GRIA1: variants seen among roughly 807,000 people sequenced by gnomAD.
GRIA1 encodes glutamate ionotropic receptor AMPA type subunit 1.
In GRIA1, 31 loss-of-function variants were observed where a neutral mutation model predicts 99.2. The observed-to-expected ratio is 0.31, with a 90% CI of 0.23 to 0.42. The LOEUF (loss-of-function observed/expected upper bound fraction) is 0.42, where lower values mean the gene tolerates loss of function less well. Among genes scored for constraint, GRIA1 ranks in the 10% least tolerant of loss-of-function variants. The pLI is 1.00. For missense variants in GRIA1, 782 were observed against 1,157.5 expected (o/e 0.68, Z 4.71); for synonymous variants, 438 against 432.4 (o/e 1.01, Z -0.16).
At chr5:153,603,479 G>C (rs563728725) in intron 2 of GRIA1, among the ~76,000 whole-genome samples, 1 of 152,022 alleles carries the variant, frequency 6.6e-6, no homozygotes, top group South Asian at 2.1e-4. Flanking sequence ...TCTAGTTCTA[G>C]ATCCCTGAGG....
chr5:153,669,861 A>C (rs2149480297), intron 5 of GRIA1, among the ~76,000 whole-genome samples: 1 of 152,304 alleles, frequency 6.6e-6, no homozygotes, highest in South Asian at 2.1e-4. Flanking sequence ...AAATCAGCTC[A>C]TATTACACCC....
chr5:153,647,267 A>G, intron 3 of GRIA1, 100 bp downstream of exon 3: 1 of 1,323,548 alleles, frequency 7.6e-7, no homozygotes, highest in African/African-American at 1.5e-5. Context: ...AAAATATGGG[A>G]AAATTATCCA....
intron 2 of GRIA1, among the ~76,000 whole-genome samples, chr5:153,551,170 G>T (rs906818228): frequency 3.3e-5 from 5 of 152,088 alleles, no homozygotes; most frequent in Admixed American, 2.6e-4. Context: ...AATAGAAGAT[G>T]TAATATTTTC....
chr5:153,682,057 T>G (rs137865432), intron 7 of GRIA1, among the ~76,000 whole-genome samples: 3,358 of 149,394 alleles, frequency 0.022, 54 homozygotes, highest in Middle Eastern at 0.057. Context: ...AAAAGCATCA[T>G]GCATGTGTTT....
intron 2 of GRIA1, among the ~76,000 whole-genome samples, chr5:153,576,381 G>A (rs930921234): frequency 1.3e-5 from 2 of 152,246 alleles, no homozygotes; most frequent in African/African-American, 4.8e-5. Flanking sequence ...GAAGAGATGA[G>A]AAGGTAGTGA....
chr5:153,543,752 G>A (rs1040455630), intron 2 of GRIA1, among the ~76,000 whole-genome samples: 22 of 152,086 alleles, frequency 1.4e-4, no homozygotes, highest in Non-Finnish European at 2.8e-4. Flanking sequence ...ATGTACGAGG[G>A]CTAAACCATC....
At chr5:153,635,251 C>T (rs1228096802) in intron 2 of GRIA1, among the ~76,000 whole-genome samples, 1 of 152,174 alleles carries the variant, frequency 6.6e-6, no homozygotes, top group Non-Finnish European at 1.5e-5. Context: ...AAGAGTCTGC[C>T]TTCATTTAAC....
chr5:153,518,287 T>C (rs1004312474), intron 2 of GRIA1, among the ~76,000 whole-genome samples: 5 of 152,108 alleles, frequency 3.3e-5, no homozygotes, highest in African/African-American at 1.2e-4. Flanking sequence ...CTTACTTGTA[T>C]TATCTGATGT....
intron 2 of GRIA1, among the ~76,000 whole-genome samples, chr5:153,498,265 C>T (rs1181267514): frequency 1.3e-5 from 2 of 152,286 alleles, no homozygotes; most frequent in East Asian, 3.9e-4. Context: ...ATTTTCTTTA[C>T]CTGCTGGCTT....
intron 2 of GRIA1, among the ~76,000 whole-genome samples, chr5:153,604,158 G>T (rs766760475): frequency 6.6e-6 from 1 of 151,906 alleles, no homozygotes; most frequent in Non-Finnish European, 1.5e-5. Context: ...TAGAGGGGTG[G>T]GGGGAAGAGG....
At chr5:153,514,940 A>C (rs946111160) in intron 2 of GRIA1, among the ~76,000 whole-genome samples, 3 of 152,232 alleles carry the variant, frequency 2.0e-5, no homozygotes, top group African/African-American at 7.2e-5. Context: ...GGTATTATCA[A>C]AAAGATGAAA....
At chr5:153,791,488 G>A (rs1157031923) in intron 13 of GRIA1, among the ~76,000 whole-genome samples, 1 of 151,906 alleles carries the variant, frequency 6.6e-6, no homozygotes, top group East Asian at 1.9e-4. Flanking sequence ...GTGGGGGGTG[G>A]GGAAGGTCTA....
At chr5:153,536,038 T>C (rs1758533950) in intron 2 of GRIA1, among the ~76,000 whole-genome samples, 1 of 152,200 alleles carries the variant, frequency 6.6e-6, no homozygotes, top group African/African-American at 2.4e-5. Flanking sequence ...GTGGCACTCC[T>C]TGTTCCACAC....
chr5:153,739,068 C>T (rs1450751610), intron 11 of GRIA1, among the ~76,000 whole-genome samples: 3 of 142,714 alleles, frequency 2.1e-5, no homozygotes, highest in Non-Finnish European at 4.5e-5. Flanking sequence ...ATTCTCCATT[C>T]TGCAAGGCAG....
At chr5:153,674,195 C>T (rs1057343432) in intron 5 of GRIA1, among the ~76,000 whole-genome samples, 2 of 152,244 alleles carry the variant, frequency 1.3e-5, no homozygotes, top group Non-Finnish European at 2.9e-5. Flanking sequence ...ATGTTTACCC[C>T]AACAACCAGA....
intron 14 of GRIA1, chr5:153,795,361 C>T: frequency 1.6e-6 from 1 of 641,428 alleles, no homozygotes; most frequent in Non-Finnish European, 2.8e-6. Context: ...TAGAGTATCA[C>T]TTTGTCAGTG....
Position 153,566,716 on chromosome 5 carries a change from C to CTTTTT in GRIA1, c.220+72664_220+72668dup, listed in dbSNP as rs56127811. On this transcript the variant is annotated intron_variant, in intron 2 of 15. Coordinates refer to ENST00000285900, the MANE Select transcript of GRIA1 (RefSeq NM_000827.4). ...TCAGATATACATTTGCAAATATTGT[C>CTTTTT]TTTTTTTTTTTTTTTTTGAGACGGA... Among the ~76,000 whole-genome samples, 121 of 116,544 alleles carry CTTTTT rather than the reference C, an allele frequency of 1.0e-3. 4 individuals are homozygous for CTTTTT. The highest frequency in any genetic ancestry group is 2.3e-3 in the South Asian group (8 of 3,522). The allele number at this position is 116,544 out of a possible 152,430, so 76.5% of individuals were successfully genotyped here.
intron 2 of GRIA1, among the ~76,000 whole-genome samples, chr5:153,554,046 T>A (rs11948119): frequency 6.0e-4 from 92 of 152,302 alleles, no homozygotes; most frequent in African/African-American, 2.1e-3. Context: ...GAAGAGCTGA[T>A]ACATAGAGAA....
intron 5 of GRIA1, among the ~76,000 whole-genome samples, chr5:153,660,885 G>T (rs1382715990): frequency 6.6e-6 from 1 of 152,192 alleles, no homozygotes; most frequent in African/African-American, 2.4e-5. Context: ...TATTTCTAGT[G>T]TGACAGAAGC....
Sources: allele counts gnomAD v4.1 joint callset (sites outside exome capture counted in the v4.1 genomes callset), GRCh38; gene constraint gnomAD v4.1.1; transcripts MANE v1.5; gene names NCBI Gene and HGNC (gene_info 2026-07-23, HGNC 2026-07-21).